Variants in AGAP1 observed in about 807,000 individuals in gnomAD.
AGAP1 encodes arf-GAP with GTPase, ANK repeat and PH domain-containing protein 1.
In AGAP1, 29 loss-of-function variants were observed where a neutral mutation model predicts 105.3. The ratio of observed to expected loss-of-function variants is 0.28; its 90% CI spans 0.21 to 0.38. The LOEUF (loss-of-function observed/expected upper bound fraction) is 0.38, where lower values mean the gene tolerates loss of function less well. AGAP1 is among the 10% of genes least tolerant of loss of function. AGAP1 has a pLI of 1.00. For missense variants in AGAP1, 998 were observed against 1,165.1 expected (o/e 0.86, Z 2.09); for synonymous variants, 509 against 485.9 (o/e 1.05, Z -0.63).
chr2:235,883,564 T>G lies in AGAP1; in HGVS notation c.1155+115T>G. ...GTCTCTGTTTGAAGTGAAAGTCGTA[T>G]TTGGTCTCCTGCTCAACTGTGAGAT... is the stretch of plus-strand genomic sequence containing the variant. On this transcript the variant is annotated intron_variant, in intron 10 of 17. Transcript: ENST00000304032. This position sits in a 1 kb window ranked among gnomAD's most constrained non-coding sequence, Gnocchi z 4.5. 1.3e-6 allele frequency: 1 copy of G among 790,954 alleles called. No homozygotes were observed. The highest frequency in any genetic ancestry group is 2.1e-6 in the Non-Finnish European group (1 of 479,370). The allele number at this position is 790,954 out of a possible 1,614,324, so 49.0% of individuals were successfully genotyped here. A position where few individuals can be genotyped will look rare whatever the true frequency, so the allele number is the denominator to read the frequency against.
intron 13 of AGAP1, among the ~76,000 whole-genome samples, chr2:235,996,731 AG>A (rs1448150318): frequency 6.6e-6 from 1 of 152,234 alleles, no homozygotes; most frequent in Admixed American, 6.5e-5. Context: ...ATCTGTGTGT[AG>A]GTTTATGTAG....
intron 1 of AGAP1, among the ~76,000 whole-genome samples, chr2:235,653,444 A>G (rs949602635): frequency 6.6e-6 from 1 of 152,110 alleles, no homozygotes; most frequent in South Asian, 2.1e-4. Context: ...AGCCTGGGCG[A>G]AAGAGCGAAG....
At chr2:235,670,848 C>A in intron 1 of AGAP1, 1 of 1,332,902 alleles carries the variant, frequency 7.5e-7, no homozygotes, top group Non-Finnish European at 9.7e-7. Flanking sequence ...CTGGAGCGCG[C>A]GCGGGCGGCG....
intron 9 of AGAP1, among the ~76,000 whole-genome samples, chr2:235,861,196 A>G (rs1410031830): frequency 2.0e-5 from 3 of 152,204 alleles, no homozygotes; most frequent in East Asian, 1.9e-4. Context: ...ATCAACTTCT[A>G]TAGGGGACCA....
chr2:235,848,255 G>A (rs1337137225), intron 9 of AGAP1, among the ~76,000 whole-genome samples: 1 of 152,186 alleles, frequency 6.6e-6, no homozygotes, highest in Non-Finnish European at 1.5e-5. Context: ...AACTGCATCT[G>A]TCCGTCCACC....
intron 1 of AGAP1, among the ~76,000 whole-genome samples, chr2:235,563,635 T>G: frequency 6.6e-6 from 1 of 151,788 alleles, no homozygotes; most frequent in South Asian, 2.1e-4. Context: ...GATCATCCTG[T>G]TCTTGGATAG....
intron 9 of AGAP1, among the ~76,000 whole-genome samples, chr2:235,813,951 A>G (rs1049371342): frequency 1.4e-4 from 21 of 152,016 alleles, no homozygotes; most frequent in African/African-American, 4.6e-4. Context: ...CTCTCCTCCT[A>G]CCGCCCCCGG....
At chr2:236,097,024 T>C (rs905708294) in intron 16 of AGAP1, among the ~76,000 whole-genome samples, 51 of 152,212 alleles carry the variant, frequency 3.4e-4, no homozygotes, top group African/African-American at 1.2e-3. Flanking sequence ...TCAGAAGCCT[T>C]GATGGCACCA....
intron 13 of AGAP1, among the ~76,000 whole-genome samples, chr2:236,018,807 C>T (rs963288816): frequency 4.6e-5 from 7 of 152,214 alleles, no homozygotes; most frequent in Non-Finnish European, 8.8e-5. Flanking sequence ...ATTTAGAGCT[C>T]GCCCCAGCAA....
intron 2 of AGAP1, among the ~76,000 whole-genome samples, 197 bp downstream of exon 2, chr2:235,709,434 T>TATGACAGCC (rs1491376523): frequency 6.6e-6 from 1 of 152,124 alleles, no homozygotes; most frequent in African/African-American, 2.4e-5. Context: ...CTGGGACAGC[T>TATGACAGCC]ATGACAGCCA....
intron 16 of AGAP1, among the ~76,000 whole-genome samples, chr2:236,108,844 G>A (rs904969138): frequency 6.6e-6 from 1 of 152,048 alleles, no homozygotes; most frequent in Admixed American, 6.6e-5. Context: ...CTGGCTGCCC[G>A]CTCTCTTGTC....
chr2:235,707,930 T>C (rs961212803), intron 1 of AGAP1, among the ~76,000 whole-genome samples: 12 of 138,818 alleles, frequency 8.6e-5, no homozygotes, highest in Non-Finnish European at 4.7e-5. Flanking sequence ...GGGTTGTGCT[T>C]CCCAATCATG....
intron 12 of AGAP1, among the ~76,000 whole-genome samples, chr2:235,932,654 T>C (rs2052777827): frequency 6.6e-6 from 1 of 152,212 alleles, no homozygotes. Context: ...TACAGGTGTT[T>C]AAGTATTCAT....
chr2:236,112,060 G>A (rs560255027), intron 16 of AGAP1, among the ~76,000 whole-genome samples: 104 of 152,266 alleles, frequency 6.8e-4, no homozygotes, highest in African/African-American at 2.3e-3. Flanking sequence ...GACAGAGCCC[G>A]GTGCAGCCTG....
intron 13 of AGAP1, among the ~76,000 whole-genome samples, chr2:236,010,340 T>C (rs1288243104): frequency 1.3e-5 from 2 of 152,154 alleles, no homozygotes; most frequent in Non-Finnish European, 2.9e-5. Flanking sequence ...TGTCTGTCTT[T>C]GAAAAGATCG....
At chr2:235,694,347 C>T (rs141950621) in intron 1 of AGAP1, among the ~76,000 whole-genome samples, 4,774 of 151,984 alleles carry the variant, frequency 0.031, 249 homozygotes, top group African/African-American at 0.11. Flanking sequence ...GGCGTGGTGG[C>T]GGGCGCATGT....
rs554349945 is a variant in AGAP1, at chr2:236,034,191, G to T, written c.1646-2370G>T. On this transcript the variant is annotated intron_variant, in intron 13 of 17. Transcript: ENST00000304032. ...TAGTACTAGGACTTAAAAGCCCATG[G>T]ATCAAGAAGCTGGACCAAGACCCAC... is the stretch of plus-strand genomic sequence containing the variant. Among the ~76,000 whole-genome samples, 3 of 152,254 alleles carry T rather than the reference G, an allele frequency of 2.0e-5. No homozygotes were observed. In the East Asian group the frequency reaches 5.8e-4, roughly 29 times the overall value.
chr2:236,108,293 C>G (rs2059553137), intron 16 of AGAP1, among the ~76,000 whole-genome samples: 1 of 152,296 alleles, frequency 6.6e-6, no homozygotes, highest in Middle Eastern at 3.4e-3. Context: ...TTCCATGCCT[C>G]CCCTCCCAGT....
chr2:235,544,287 C>T lies in AGAP1; in HGVS notation c.163+49438C>T, dbSNP rs180976462. Among the ~76,000 whole-genome samples the T allele has an allele frequency of 1.8e-3, 281 of 152,288 alleles. 1 individual carries two copies. Among genetic ancestry groups the T allele is most frequent in the African/African-American group, 6.4e-3 (267 of 41,562 alleles). The stretch of plus-strand genomic sequence containing the variant: ...GTGGCAGGAACGGAGCCAGCAGACT[C>T]CCTCTTGGTAAAATTGTGCAAGAAA... On this transcript the variant is annotated intron_variant, in intron 1 of 17. Transcript: ENST00000304032.
Sources: allele counts gnomAD v4.1 joint callset (sites outside exome capture counted in the v4.1 genomes callset), GRCh38; gene constraint gnomAD v4.1.1; non-coding constraint Gnocchi (gnomAD v3.1); transcripts MANE v1.5; gene names NCBI Gene and HGNC (gene_info 2026-07-23, HGNC 2026-07-21).